Variants in SPEN observed in about 807,000 individuals in gnomAD.
The protein encoded by SPEN is msx2-interacting protein.
In SPEN, 18 loss-of-function variants were observed where a neutral mutation model predicts 269.9. The observed-to-expected ratio is 0.07, with a 90% confidence interval of 0.05 to 0.10. The LOEUF (loss-of-function observed/expected upper bound fraction) is 0.10, where lower values mean the gene tolerates loss of function less well. Among genes scored for constraint, SPEN ranks in the 10% least tolerant of loss-of-function variants. The pLI is 1.00. For synonymous variants in SPEN, 1,726 were observed against 1,765.7 expected, an observed-to-expected ratio of 0.98 and a Z score of 0.56; for missense variants, 3,822 against 4,631.2, an observed-to-expected ratio of 0.83 and a Z score of 5.07.
In SPEN at chr1:15,881,181, G is replaced by T. The variant is rs183291277; in HGVS notation, c.881+4503G>T. On this transcript the variant is annotated intron_variant, in intron 3 of 14. Transcript: ENST00000375759. ...GACAAAGTCTCACTTTGTTGTCCAGGCTGGTCTTGAGCTCCTGGCTTCAAG... is the reference window on the plus strand; with the variant it reads ...GACAAAGTCTCACTTTGTTGTCCAGTCTGGTCTTGAGCTCCTGGCTTCAAG... 1.8e-3 allele frequency among the ~76,000 whole-genome samples: 269 copies of T among 152,186 alleles called. 1 individual carries two copies. The highest frequency in any genetic ancestry group is 6.2e-3 in the African/African-American group (256 of 41,528).
rs2071234219 is a variant in SPEN, at chr1:15,932,705, C to T, written c.6465C>T (p.Ala2155=). The T allele has an allele frequency of 6.2e-7, 1 of 1,614,204 alleles. No homozygotes were observed. The highest frequency in any genetic ancestry group is 8.5e-7 in the Non-Finnish European group (1 of 1,180,036). Residue 2155 remains alanine (A), a synonymous_variant, in exon 11 of 15, where the codon GCC becomes GCT. Coordinates refer to ENST00000375759, the MANE Select transcript of SPEN (RefSeq NM_015001.3). The surrounding 1 kb of genome is among the most constrained non-coding windows in gnomAD (Gnocchi z 4.2). ...AACCAGAGAAAGAAGACGTGTCTGC[C>T]TCTGGGCCGTCCCCAGAAGCCACCC... ...DKEPEKEDVS[A]SGPSPEATQL... is the part of the protein sequence containing the mutation.
intron 10 of SPEN, among the ~76,000 whole-genome samples, chr1:15,924,837 C>A (rs189058838): frequency 7.9e-5 from 12 of 152,290 alleles, no homozygotes; most frequent in Admixed American, 7.9e-4. Context: ...TTATTTATCC[C>A]TCTCAAATGG....
At chr1:15,875,120 G>A (rs1162791425) in intron 2 of SPEN, among the ~76,000 whole-genome samples, 2 of 152,124 alleles carry the variant, frequency 1.3e-5, no homozygotes, top group African/African-American at 2.4e-5. Flanking sequence ...GAACTCAGGA[G>A]CTGAGTTCTA....
Position 15,937,420 on chromosome 1 carries a change from G to A in SPEN, c.10284G>A (p.Pro3428=), listed in dbSNP as rs1457004958. The change falls in exon 12 of 15, where the codon CCG becomes CCA. Residue 3428 remains proline, a synonymous_variant. Coordinates refer to ENST00000375759, the MANE Select transcript of SPEN (RefSeq NM_015001.3). The surrounding 1 kb of genome is among the most constrained non-coding windows in gnomAD (Gnocchi z 5.7). ...QVQRAQAETG[P]TSFPSPVSVS... ...AGAGGGCACAAGCAGAAACAGGCCC[G>A]ACTTCCTTCCCCTCCCCTGTGTCTG... 7.4e-6 allele frequency: 12 copies of A among 1,613,458 alleles called. No individual in the cohort carries two copies. The highest frequency in any genetic ancestry group is 6.7e-5 in the East Asian group (3 of 44,870).
intron 3 of SPEN, among the ~76,000 whole-genome samples, chr1:15,886,673 T>C (rs922701109): frequency 6.6e-6 from 1 of 152,240 alleles, no homozygotes; most frequent in Non-Finnish European, 1.5e-5. Context: ...ACTTTTAGTC[T>C]TCTACCTTTT....
At chr1:15,881,309 T>G (rs2070685062) in intron 3 of SPEN, among the ~76,000 whole-genome samples, 1 of 152,144 alleles carries the variant, frequency 6.6e-6, no homozygotes. Context: ...CATTAAAAGA[T>G]TTAAGAAAGG....
chr1:15,873,505 T>C (rs536061589), intron 2 of SPEN: 5 of 1,004,658 alleles, frequency 5.0e-6, no homozygotes, highest in South Asian at 4.4e-5. Flanking sequence ...GTTCATACTA[T>C]ATGGAATATT....
At chr1:15,867,770 A>G (rs1285026201) in intron 1 of SPEN, among the ~76,000 whole-genome samples, 2 of 140,304 alleles carry the variant, frequency 1.4e-5, no homozygotes, top group African/African-American at 2.7e-5. Flanking sequence ...TGTGATTTTG[A>G]TTTTGATTTC....
chr1:15,916,417 G>A (rs958045439), intron 6 of SPEN, 138 bp downstream of exon 6: 4 of 866,014 alleles, frequency 4.6e-6, no homozygotes, highest in Non-Finnish European at 4.9e-6. Flanking sequence ...CTTGCTAAAA[G>A]ATAATCCAGA....
At chr1:15,849,218 C>T (rs1191723436) in intron 1 of SPEN, among the ~76,000 whole-genome samples, 4 of 152,126 alleles carry the variant, frequency 2.6e-5, no homozygotes, top group Non-Finnish European at 5.9e-5. Context: ...CAGTTTATTC[C>T]GATATTTAAG....
At chr1:15,856,557 GCCAGATACT>G (rs2070390223) in intron 1 of SPEN, among the ~76,000 whole-genome samples, 2 of 143,754 alleles carry the variant, frequency 1.4e-5, no homozygotes, top group African/African-American at 5.1e-5. Flanking sequence ...TAGATCTGCT[GCCAGATACT>G]TTTTTTTTTT....
intron 3 of SPEN, among the ~76,000 whole-genome samples, chr1:15,904,137 A>C (rs1444661028): frequency 3.3e-5 from 5 of 152,196 alleles, no homozygotes; most frequent in Non-Finnish European, 7.4e-5. Flanking sequence ...TTTTGATTCA[A>C]GATCTTGAAA....
intron 10 of SPEN, among the ~76,000 whole-genome samples, chr1:15,924,260 A>G (rs2071146534): frequency 6.6e-6 from 1 of 152,210 alleles, no homozygotes; most frequent in African/African-American, 2.4e-5. Context: ...GTTTGAAGTC[A>G]TTGTTAATAC....
Position 15,939,736 on chromosome 1 carries a change from TTTTG to T in SPEN, c.*321_*324del, listed in dbSNP as rs556538860. The T allele has an allele frequency of 5.2e-4, 146 of 280,616 alleles. No homozygotes were observed. Among genetic ancestry groups the T allele is most frequent in the Admixed American group, 1.6e-3 (30 of 19,032 alleles). The allele number at this position is 280,616 out of a possible 1,614,324, so 17.4% of individuals were successfully genotyped here. A position where few individuals can be genotyped will look rare whatever the true frequency, so the allele number is the denominator to read the frequency against. On this transcript the variant is annotated 3_prime_UTR_variant, in exon 15 of 15. Transcript: ENST00000375759. The surrounding 1 kb of genome is among the most constrained non-coding windows in gnomAD (Gnocchi z 4.1). ...GGAACAGGGCAGTGGAATGAAAATT[TTTTG>T]TTTGTTTGTTTTTAAGAAACAAGAA...
At position 15,928,920 on chromosome 1, in the gene SPEN, A is replaced by G. The variant is rs764119040; in HGVS notation, c.2680A>G (p.Thr894Ala). ...GAAAGAGGGAAAGGTCATTGACCAC[A>G]CTCCTGTGGAAAAGTTGAAAGCCAA... ...KEKEGKVIDH[T>A]PVEKLKAKLD... The change falls in exon 11 of 15, where the codon ACT becomes GCT. Residue 894 changes from threonine to alanine, a missense_variant. Thr to Ala is a moderately conservative substitution (Grantham distance 58). This residue lies in a region of SPEN where 572 missense variants were observed against 582.6 expected (regional missense o/e 0.98). Coordinates refer to ENST00000375759, the MANE Select transcript of SPEN (RefSeq NM_015001.3). The surrounding 1 kb of genome is among the most constrained non-coding windows in gnomAD (Gnocchi z 5.7). The G allele has an allele frequency of 7.0e-5, 113 of 1,614,048 alleles. 1 individual carries two copies. Among genetic ancestry groups the G allele is most frequent in the Non-Finnish European group, 9.2e-5 (108 of 1,180,042 alleles).
chr1:15,865,420 GTTT>G (rs35623952), intron 1 of SPEN, among the ~76,000 whole-genome samples: 2 of 116,064 alleles, frequency 1.7e-5, no homozygotes, highest in African/African-American at 3.3e-5. Context: ...GTATATGCCT[GTTT>G]TTTTTTTTTT....
chr1:15,909,171 G>A (rs1316543499), intron 3 of SPEN, 150 bp from the exon 4 acceptor site: 3 of 695,200 alleles, frequency 4.3e-6, no homozygotes, highest in African/African-American at 3.6e-5. Context: ...ACCTCTGAAG[G>A]TAGAGTACGA....
chr1:15,873,171 T>C (rs779450537), intron 2 of SPEN, 35 bp downstream of exon 2: 23 of 1,558,694 alleles, frequency 1.5e-5, no homozygotes, highest in Non-Finnish European at 2.0e-5. Context: ...AGGTATTTTG[T>C]ATTTGATATG....
intron 3 of SPEN, among the ~76,000 whole-genome samples, chr1:15,898,158 C>T (rs1042257463): frequency 1.4e-5 from 2 of 145,288 alleles, no homozygotes; most frequent in African/African-American, 2.6e-5. Flanking sequence ...TTGTATTTTA[C>T]TTCTTAATTT....
Sources: gnomAD v4.1 joint callset for allele counts (sites outside exome capture counted in the v4.1 genomes callset) on GRCh38, gnomAD v4.1.1 for gene constraint, gnomAD v4.1.1 regional missense constraint, Gnocchi (gnomAD v3.1) non-coding constraint, MANE v1.5 for transcripts, NCBI Gene and HGNC (gene_info 2026-07-23, HGNC 2026-07-21) for gene names.